The following RPS6KA5 variants were observed in gnomAD, a reference collection of about 807,000 sequenced individuals.
RPS6KA5 encodes the protein ribosomal protein S6 kinase alpha-5.
Under a neutral mutation model 85.5 loss-of-function variants are expected in RPS6KA5, and 27 were observed. That is an observed-to-expected ratio of 0.32 (90% confidence interval 0.23 to 0.44). The LOEUF is 0.44. Among genes scored for constraint, RPS6KA5 ranks in the 20% least tolerant of loss-of-function variants. The pLI, the probability that RPS6KA5 is intolerant of heterozygous loss-of-function variation, is 1.00. For missense variants in RPS6KA5, 811 were observed against 980.9 expected (o/e 0.83, Z 2.31); for synonymous variants, 334 against 348.2 (o/e 0.96, Z 0.46).
At position 90,891,016 on chromosome 14, in the gene RPS6KA5, C is replaced by T. The variant is rs2034521019; in HGVS notation, c.1645-338G>A. On this transcript the variant is annotated intron_variant, in intron 13 of 16. Transcript: ENST00000614987. ...CTACTCCTCATTTAGAGATACTATC[C>T]TAACTGTCCTACCAAACTGAAGTTA... Among the ~76,000 whole-genome samples the T allele has an allele frequency of 2.0e-5, 3 of 152,032 alleles. No homozygotes were observed. The South Asian group carries it at 6.2e-4, about 32-fold the overall frequency.
chr14:90,947,474 A>G lies in RPS6KA5; in HGVS notation c.471T>C (p.Tyr157=), dbSNP rs374545017. The G allele has an allele frequency of 3.8e-5, 61 of 1,612,614 alleles. No homozygotes were observed. The highest frequency in any genetic ancestry group is 5.3e-5 in the African/African-American group (4 of 74,908). ...CGAGGGCAAGCACAATCTCTCCAACATAAATCTGCACCTCATGCTCTGTGA... is the reference window on the plus strand; with the variant it reads ...CGAGGGCAAGCACAATCTCTCCAACGTAAATCTGCACCTCATGCTCTGTGA... ...ERFTEHEVQI[Y]VGEIVLALEH... is the part of the protein sequence containing the mutation. Residue 157 remains tyrosine (Y), a synonymous_variant, in exon 4 of 17, where the codon TAT becomes TAC. Transcript: ENST00000614987.
At chr14:91,047,669 A>T (rs1221680339) in intron 1 of RPS6KA5, among the ~76,000 whole-genome samples, 2 of 152,294 alleles carry the variant, frequency 1.3e-5, no homozygotes, top group East Asian at 3.9e-4. Flanking sequence ...ATTAACATAA[A>T]CCTCACGGCT....
chr14:90,885,674 G>A (rs1286886762), intron 14 of RPS6KA5, among the ~76,000 whole-genome samples: 1 of 138,850 alleles, frequency 7.2e-6, no homozygotes, highest in African/African-American at 2.8e-5. Flanking sequence ...CCTAGGAGGC[G>A]GAGCTTGCAG....
intron 3 of RPS6KA5, among the ~76,000 whole-genome samples, chr14:90,951,043 C>T (rs866510263): frequency 1.4e-5 from 2 of 144,436 alleles, no homozygotes; most frequent in African/African-American, 2.6e-5. Context: ...TTGCTTGAAC[C>T]GGGAGGCAGA....
chr14:91,000,347 G>C (rs2040731396), intron 2 of RPS6KA5, among the ~76,000 whole-genome samples: 1 of 151,984 alleles, frequency 6.6e-6, no homozygotes, highest in Non-Finnish European at 1.5e-5. Flanking sequence ...CCTATTGTTG[G>C]GTTTCTAAAC....
chr14:90,991,428 G>A (rs993453286), intron 2 of RPS6KA5, among the ~76,000 whole-genome samples: 15 of 152,048 alleles, frequency 9.9e-5, no homozygotes, highest in African/African-American at 1.4e-4. Flanking sequence ...TGGGCTGGGC[G>A]CAGCAGCTGA....
Position 90,943,019 on chromosome 14 carries a change from T to C in RPS6KA5, c.618+59A>G, listed in dbSNP as rs2037657282. The C allele has an allele frequency of 2.4e-5, 23 of 977,186 alleles. No homozygotes were observed. The East Asian group carries it at 5.5e-4, about 23-fold the overall frequency. 60.5% of individuals were successfully genotyped at this position (977,186 alleles called of 1,614,324 possible). On this transcript the variant is annotated intron_variant, in intron 5 of 16. Coordinates refer to ENST00000614987, the MANE Select transcript of RPS6KA5 (RefSeq NM_004755.4). ...TTCTGCTAAATGTTTATTCTACGGCTAAGTTTTCATCCTTGTTTACATGCT... is the reference window on the plus strand; with the variant it reads ...TTCTGCTAAATGTTTATTCTACGGCCAAGTTTTCATCCTTGTTTACATGCT...
In RPS6KA5 at chr14:90,859,432, G is replaced by A. The variant is rs1476055916; in HGVS notation, c.*12642C>T. On this transcript the variant is annotated 3_prime_UTR_variant, in exon 17 of 17. Transcript: ENST00000614987. ...CAGACACTGGATTTCTCAGACAAGA[G>A]TTTTAAAATTACTTTGATTAATGTG... 2 of 152,156 alleles carry A rather than the reference G, an allele frequency of 1.3e-5. No homozygotes were observed. The highest frequency in any genetic ancestry group is 3.8e-4 in the East Asian group (2 of 5,196). The allele number at this position is 152,156 out of a possible 1,614,324, so 9.4% of individuals were successfully genotyped here.
chr14:90,948,493 G>C (rs1243848868), intron 3 of RPS6KA5, among the ~76,000 whole-genome samples: 1 of 152,026 alleles, frequency 6.6e-6, no homozygotes, highest in Admixed American at 6.6e-5. Flanking sequence ...TCAGGAGATC[G>C]AGACCATCCT....
At chr14:90,945,617 A>G (rs895148552) in intron 4 of RPS6KA5, among the ~76,000 whole-genome samples, 13 of 152,178 alleles carry the variant, frequency 8.5e-5, no homozygotes, top group Non-Finnish European at 1.8e-4. Flanking sequence ...CCAAGAGTTC[A>G]TTTACTATAT....
At chr14:91,045,716 C>T (rs2042845311) in intron 1 of RPS6KA5, among the ~76,000 whole-genome samples, 1 of 152,230 alleles carries the variant, frequency 6.6e-6, no homozygotes, top group African/African-American at 2.4e-5. Context: ...CCACTCTCCT[C>T]ACAGAAATAG....
At position 90,902,913 on chromosome 14, in the gene RPS6KA5, G is replaced by A. The variant is rs2035257579; in HGVS notation, c.1014C>T (p.Val338=). 1 of 1,614,010 alleles carries A rather than the reference G, an allele frequency of 6.2e-7. No individual in the cohort carries two copies. The highest frequency in any genetic ancestry group is 1.7e-5 in the Admixed American group (1 of 60,000). The change falls in exon 9 of 17, where the codon GTC becomes GTT. Residue 338 remains valine (V), a synonymous_variant. Transcript: ENST00000614987. Reference sequence around the variant, plus strand: ...TACTCACATCTAATTCATCTCGAATGACTGGCTTAAATGGTGCAGGCACTT... The same window carrying A: ...TACTCACATCTAATTCATCTCGAATAACTGGCTTAAATGGTGCAGGCACTT... ...AKKVPAPFKP[V]IRDELDVSNF...
chr14:91,043,245 A>C (rs2042671090), intron 1 of RPS6KA5, among the ~76,000 whole-genome samples: 1 of 151,736 alleles, frequency 6.6e-6, no homozygotes, highest in Non-Finnish European at 1.5e-5. Context: ...TAATTTTGGG[A>C]GTTTTTCAGG....
intron 2 of RPS6KA5, among the ~76,000 whole-genome samples, chr14:90,986,638 G>A (rs763346035): frequency 2.0e-5 from 3 of 152,144 alleles, no homozygotes; most frequent in Non-Finnish European, 4.4e-5. Flanking sequence ...TTTACAGGCC[G>A]GTGCATCTAT....
chr14:91,028,808 G>A (rs1435407812), intron 1 of RPS6KA5, among the ~76,000 whole-genome samples: 1 of 152,132 alleles, frequency 6.6e-6, no homozygotes, highest in Non-Finnish European at 1.5e-5. Context: ...ATGAGCCACT[G>A]CGCCCAGCCT....
At chr14:90,984,081 G>A (rs796406659) in intron 2 of RPS6KA5, among the ~76,000 whole-genome samples, 33 of 152,142 alleles carry the variant, frequency 2.2e-4, no homozygotes, top group African/African-American at 6.5e-4. Context: ...CCTGACCTCC[G>A]GTGATCCACC....
rs772391835 is a variant in RPS6KA5 at position 91,047,060 on chromosome 14, AAAAG to A, written c.103+13268_103+13271del. Among the ~76,000 whole-genome samples, 320 of 152,088 alleles carry A rather than the reference AAAAG, an allele frequency of 2.1e-3. 3 individuals are homozygous for A. Among genetic ancestry groups the A allele is most frequent in the Non-Finnish European group, 3.5e-3 (237 of 67,988 alleles). On this transcript the variant is annotated intron_variant, in intron 1 of 16. Coordinates refer to ENST00000614987, the MANE Select transcript of RPS6KA5 (RefSeq NM_004755.4). ...AGACCCTGTCTCCAAAAAAAAAAAAAAAAGAAGAAGAAGCAAAACACTGGACATA... is the reference window on the plus strand; with the variant it reads ...AGACCCTGTCTCCAAAAAAAAAAAAAAAGAAGAAGCAAAACACTGGACATA...
At chr14:90,939,655 G>A (rs1254519230) in intron 5 of RPS6KA5, among the ~76,000 whole-genome samples, 6 of 152,108 alleles carry the variant, frequency 3.9e-5, no homozygotes, top group South Asian at 2.1e-4. Context: ...GGAAACTCCC[G>A]TTTTTAAAAC....
chr14:90,882,485 G>C (rs904652349), intron 14 of RPS6KA5, among the ~76,000 whole-genome samples: 7 of 152,110 alleles, frequency 4.6e-5, no homozygotes, highest in African/African-American at 1.7e-4. Flanking sequence ...TCTTCATAAG[G>C]CTTTGAATTA....
Sources: gnomAD v4.1 joint callset for allele counts (sites outside exome capture counted in the v4.1 genomes callset) on GRCh38, gnomAD v4.1.1 for gene constraint, MANE v1.5 for transcripts, NCBI Gene and HGNC (gene_info 2026-07-23, HGNC 2026-07-21) for gene names.